Variants in PPFIBP2 observed in about 807,000 individuals in gnomAD.
The protein encoded by PPFIBP2 is PPFIB scaffold protein 2.
A neutral mutation model predicts 118.3 loss-of-function variants in PPFIBP2; 118 were observed. That is an observed-to-expected ratio of 1.00 (90% CI 0.86 to 1.16). The LOEUF (loss-of-function observed/expected upper bound fraction) is 1.16, where lower values mean the gene tolerates loss of function less well. Among genes scored for constraint, PPFIBP2 ranks in the 50% most tolerant of loss-of-function variants. The probability of loss-of-function intolerance (pLI) is 0.00; values close to 1 mark genes in which losing one functional copy is unlikely to be tolerated. For synonymous variants in PPFIBP2, 414 were observed against 397.4 expected (o/e 1.04, Z -0.50); for missense variants, 1,195 against 1,073.1 (o/e 1.11, Z -1.59).
intron 6 of PPFIBP2, among the ~76,000 whole-genome samples, chr11:7,620,721 A>G (rs73413172): frequency 0.017 from 2,662 of 152,290 alleles, 79 homozygotes; most frequent in African/African-American, 0.061. Flanking sequence ...AACTAAAAGG[A>G]AAGTTTTCAC....
At position 7,563,720 on chromosome 11, in the gene PPFIBP2, C is replaced by T. The variant is rs372252821; in HGVS notation, c.65-1833C>T. On this transcript the variant is annotated intron_variant, in intron 2 of 23. Coordinates refer to ENST00000299492, the MANE Select transcript of PPFIBP2 (RefSeq NM_003621.5). ...GCAAATGCCCTAGAAATTCCACCAC[C>T]TAAACCATATTTTCTAAAGTGTTTC... Among the ~76,000 whole-genome samples, 21 of 152,302 alleles carry T rather than the reference C, an allele frequency of 1.4e-4. No individual in the cohort carries two copies. The South Asian group carries it at 4.1e-3, about 30-fold the overall frequency.
At chr11:7,610,112 T>G (rs1033304779) in intron 5 of PPFIBP2, among the ~76,000 whole-genome samples, 179 bp from the exon 6 acceptor site, 3 of 152,206 alleles carry the variant, frequency 2.0e-5, no homozygotes, top group African/African-American at 7.2e-5. Flanking sequence ...GCGCTATCCC[T>G]GAGTAGCCCA....
At chr11:7,631,267 C>T in intron 11 of PPFIBP2, 1 of 446,152 alleles carries the variant, frequency 2.2e-6, no homozygotes. Context: ...AGGAGTTCTC[C>T]TTTTTAATCA....
intron 1 of PPFIBP2, among the ~76,000 whole-genome samples, chr11:7,518,241 A>G (rs1316015434): frequency 6.6e-6 from 1 of 152,172 alleles, no homozygotes; most frequent in African/African-American, 2.4e-5. Context: ...AATATCGGGA[A>G]TGGATTGGGA....
chr11:7,568,359 A>G (rs1855249023), intron 3 of PPFIBP2, among the ~76,000 whole-genome samples: 2 of 152,214 alleles, frequency 1.3e-5, no homozygotes, highest in Admixed American at 6.5e-5. Context: ...CACATCCCAT[A>G]ACAGTTGCAA....
intron 5 of PPFIBP2, among the ~76,000 whole-genome samples, chr11:7,599,199 G>T (rs7924500): frequency 6.6e-6 from 1 of 151,784 alleles, no homozygotes; most frequent in Non-Finnish European, 1.5e-5. Flanking sequence ...CACAAAGAGT[G>T]CAGAAAACAA....
downstream of PPFIBP2, among the ~76,000 whole-genome samples, chr11:7,660,623 C>A (rs1008355675): frequency 6.6e-6 from 1 of 150,760 alleles, no homozygotes; most frequent in Non-Finnish European, 1.5e-5. Flanking sequence ...TTTGTTGTGT[C>A]TCTGCCAGGT....
intron 3 of PPFIBP2, among the ~76,000 whole-genome samples, chr11:7,566,875 C>G (rs1272843031): frequency 1.3e-5 from 2 of 152,072 alleles, no homozygotes; most frequent in African/African-American, 4.8e-5. Context: ...CATATTTTTC[C>G]CTGTACACCC....
Position 7,632,881 on chromosome 11 carries a change from T to G in PPFIBP2, c.1083T>G (p.Cys361Trp), listed in dbSNP as rs756829440. Residue 361 changes from cysteine (C) to tryptophan (W), a missense_variant, in exon 12 of 24, where the codon TGT (cysteine) becomes TGG (tryptophan). Transcript: ENST00000299492. ...CTCTGGTGCAGATGCCTCCAAGATG[T>G]AGCTCTCCTACAGTGGGGCCACCTC... is the stretch of plus-strand genomic sequence containing the variant. ...ELFKQEMPPR[C>W]SSPTVGPPPL... 10 of 1,613,674 alleles carry G rather than the reference T, an allele frequency of 6.2e-6. No individual in the cohort carries two copies. In the South Asian group the frequency reaches 9.9e-5, roughly 16 times the overall value.
Position 7,621,041 on chromosome 11 carries a change from C to T in PPFIBP2, c.711+14C>T, listed in dbSNP as rs1193915268. The T allele has an allele frequency of 6.4e-7, 1 of 1,571,758 alleles. No individual in the cohort carries two copies. Among genetic ancestry groups the T allele is most frequent in the African/African-American group, 1.4e-5 (1 of 73,940 alleles). On this transcript the variant is annotated intron_variant, in intron 7 of 23. Transcript: ENST00000299492. The stretch of plus-strand genomic sequence containing the variant: ...AAGGCCACTAAGGTAAACGGCACTC[C>T]TGATGCTTATGGAGAGAGTATGAGG...
chr11:7,641,953 C>CT (rs1180362611), intron 16 of PPFIBP2: 1 of 397,090 alleles, frequency 2.5e-6, no homozygotes, highest in Admixed American at 4.1e-5. Context: ...AGGAGTCAGT[C>CT]TGTTTTAAGA....
intron 3 of PPFIBP2, among the ~76,000 whole-genome samples, chr11:7,569,820 CAG>C (rs1035397026): frequency 6.6e-6 from 1 of 152,146 alleles, no homozygotes; most frequent in African/African-American, 2.4e-5. Context: ...GTGATGGGAA[CAG>C]AGCTGAGTTC....
chr11:7,622,357 C>T (rs778784618), intron 7 of PPFIBP2, among the ~76,000 whole-genome samples: 1 of 152,182 alleles, frequency 6.6e-6, no homozygotes, highest in Non-Finnish European at 1.5e-5. Context: ...CCAGGGCCCA[C>T]CTCCAATATC....
intron 1 of PPFIBP2, among the ~76,000 whole-genome samples, chr11:7,519,630 G>C (rs190929382): frequency 8.0e-4 from 122 of 152,212 alleles, no homozygotes; most frequent in Middle Eastern, 3.4e-3. Context: ...ATGGAGGGCC[G>C]GGAGTTTCCC....
rs1020908340 is a variant in PPFIBP2 at position 7,550,169 on chromosome 11, A to G, written c.64+630A>G. Among the ~76,000 whole-genome samples, 5 of 152,380 alleles carry G rather than the reference A, an allele frequency of 3.3e-5. No individual in the cohort carries two copies. In the East Asian group the frequency reaches 9.6e-4, roughly 29 times the overall value. ...GATTCCTTTCTTCATGGGAGCAACC[A>G]GAAGCCTATATTGATTAGACCAAAC... On this transcript the variant is annotated intron_variant, in intron 2 of 23. Coordinates refer to ENST00000299492, the MANE Select transcript of PPFIBP2 (RefSeq NM_003621.5).
At chr11:7,523,431 G>A (rs1849940976) in intron 1 of PPFIBP2, among the ~76,000 whole-genome samples, 1 of 152,208 alleles carries the variant, frequency 6.6e-6, no homozygotes, top group Non-Finnish European at 1.5e-5. Context: ...AACGTTGAAG[G>A]AAAACTTGTC....
chr11:7,530,172 T>C (rs936778071), intron 1 of PPFIBP2, among the ~76,000 whole-genome samples: 7 of 152,218 alleles, frequency 4.6e-5, no homozygotes, highest in African/African-American at 1.7e-4. Context: ...ACATACTTAC[T>C]GGGCCAGGCA....
chr11:7,648,533 A>C lies in PPFIBP2; in HGVS notation c.1793A>C (p.Glu598Ala), dbSNP rs1023249793. 6.2e-7 allele frequency: 1 copy of C among 1,613,872 alleles called. No homozygotes were observed. Residue 598 changes from glutamate to alanine, a missense_variant, in exon 18 of 24, where the codon GAA (glutamate) becomes GCA (alanine). Glu to Ala is a moderately radical substitution (Grantham distance 107). Coordinates refer to ENST00000299492, the MANE Select transcript of PPFIBP2 (RefSeq NM_003621.5). ...TLLTATPQDM[E>A]KELGIKHPLH... is the part of the protein sequence containing the mutation. ...TTGACAGCCACCCCTCAGGACATGG[A>C]AAAGGTAAGGGCTCAGCTTGGGGAG...
chr11:7,609,192 TCTGTGACCTCATA>T (rs1374615551), intron 5 of PPFIBP2, among the ~76,000 whole-genome samples: 2 of 152,232 alleles, frequency 1.3e-5, no homozygotes, highest in African/African-American at 2.4e-5. Context: ...CGGTTCCAAA[TCTGTGACCTCATA>T]GTGTTTGAGT....
Sources: allele counts gnomAD v4.1 joint callset (sites outside exome capture counted in the v4.1 genomes callset), GRCh38; gene constraint gnomAD v4.1.1; transcripts MANE v1.5; gene names NCBI Gene and HGNC (gene_info 2026-07-23, HGNC 2026-07-21).